ANAPC5: variants seen among roughly 807,000 people sequenced by gnomAD.
The protein encoded by ANAPC5 is anaphase promoting complex subunit 5.
Under a neutral mutation model 91.3 loss-of-function variants are expected in ANAPC5, and 60 were observed. That is an observed-to-expected ratio of 0.66 (90% CI 0.53 to 0.81). ANAPC5 has a LOEUF of 0.81. ANAPC5 is among the 40% of genes least tolerant of loss of function. The pLI is 0.00. For missense variants in ANAPC5, 690 were observed against 931.5 expected, an observed-to-expected ratio of 0.74 and a Z score of 3.37; for synonymous variants, 340 against 364.1, an observed-to-expected ratio of 0.93 and a Z score of 0.75.
chr12:121,331,353 G>A lies in ANAPC5; in HGVS notation c.1026C>T (p.His342=). 1.2e-6 allele frequency: 2 copies of A among 1,604,230 alleles called. No homozygotes were observed. Among genetic ancestry groups the A allele is most frequent in the Non-Finnish European group, 1.7e-6 (2 of 1,171,780 alleles). ...GACCAGAGGATGGCCTCACCAAACAGTGCTGGAGACACACGTGATCGTTGG... is the reference window on the plus strand; with the variant it reads ...GACCAGAGGATGGCCTCACCAAACAATGCTGGAGACACACGTGATCGTTGG... ...QESNDHVCLQ[H]CLSWLYVLGQ... is the part of the protein sequence containing the mutation. Residue 342 remains histidine, a synonymous_variant, in exon 8 of 17, where the codon CAC becomes CAT. Coordinates refer to ENST00000261819, the MANE Select transcript of ANAPC5 (RefSeq NM_016237.5).
chr12:121,314,959 T>G (rs1458793799), intron 15 of ANAPC5, among the ~76,000 whole-genome samples: 1 of 152,068 alleles, frequency 6.6e-6, no homozygotes, highest in Non-Finnish European at 1.5e-5. Flanking sequence ...CAACATGTAT[T>G]GGAAGTTTTA....
At chr12:121,324,234 T>C (rs1186615405) in intron 11 of ANAPC5, among the ~76,000 whole-genome samples, 1 of 152,106 alleles carries the variant, frequency 6.6e-6, no homozygotes, top group East Asian at 1.9e-4. Context: ...CAAGTATGAG[T>C]CTAACTTGTC....
At chr12:121,333,992 C>T (rs1225027963) in intron 7 of ANAPC5, 2 of 152,162 alleles carry the variant, frequency 1.3e-5, no homozygotes, top group Non-Finnish European at 2.9e-5. Context: ...AGCCTCACAA[C>T]TGGGTTGGCC....
chr12:121,334,884 G>A (rs996643781), intron 7 of ANAPC5: 8 of 152,146 alleles, frequency 5.3e-5, no homozygotes, highest in African/African-American at 1.9e-4. Context: ...TGAACGGCCT[G>A]TTGTTCTTAG....
intron 8 of ANAPC5, 88 bp from the exon 9 acceptor site, chr12:121,330,760 TAAAAGGGAC>T: frequency 9.4e-7 from 1 of 1,060,058 alleles, no homozygotes; most frequent in Non-Finnish European, 1.4e-6. Flanking sequence ...AGAAAGAATT[TAAAAGGGAC>T]AAAATGAATC....
intron 15 of ANAPC5, 108 bp downstream of exon 15, chr12:121,318,169 A>G (rs1416154342): frequency 7.6e-7 from 1 of 1,310,374 alleles, no homozygotes; most frequent in Admixed American, 3.2e-5. Context: ...CCAGACGTCA[A>G]TATGAACAAA....
intron 15 of ANAPC5, among the ~76,000 whole-genome samples, chr12:121,311,729 A>G (rs550221952): frequency 1.3e-5 from 2 of 152,236 alleles, no homozygotes; most frequent in East Asian, 3.9e-4. Flanking sequence ...GATGCTCAGA[A>G]AAGTGAGGTG....
At chr12:121,329,855 T>C (rs920366596) in intron 9 of ANAPC5, among the ~76,000 whole-genome samples, 3 of 152,104 alleles carry the variant, frequency 2.0e-5, no homozygotes, top group African/African-American at 7.2e-5. Flanking sequence ...CCTCAGGTGA[T>C]CCACCCACCC....
At chr12:121,346,089 T>C (rs1593606109) in intron 3 of ANAPC5, 58 bp from the exon 4 acceptor site, 2 of 1,378,872 alleles carry the variant, frequency 1.5e-6, no homozygotes, top group East Asian at 2.3e-5. Context: ...GGCTACGCAA[T>C]GGCAACTCCA....
chr12:121,352,220 G>A lies in ANAPC5; in HGVS notation c.121C>T (p.Leu41=). 6.2e-7 allele frequency: 1 copy of A among 1,614,170 alleles called. No homozygotes were observed. Among genetic ancestry groups the A allele is most frequent in the Non-Finnish European group, 8.5e-7 (1 of 1,180,022 alleles). The part of the protein sequence containing the change: ...TPYKIAVLVL[L]NEMSRTGEGA... Reference sequence around the variant, plus strand: ...TCGCCTGTGCGGCTCATCTCGTTCAGCAGCACCAGCACCGCGATCTTGTAC... The same window carrying A: ...TCGCCTGTGCGGCTCATCTCGTTCAACAGCACCAGCACCGCGATCTTGTAC... Residue 41 remains leucine (L), a synonymous_variant, in exon 1 of 17, where the codon CTG becomes TTG. Transcript: ENST00000261819.
chr12:121,352,809 G>T (rs925616722), upstream of ANAPC5, among the ~76,000 whole-genome samples: 1 of 144,990 alleles, frequency 6.9e-6, no homozygotes, highest in African/African-American at 2.5e-5. Context: ...ATTCGTAGAC[G>T]CCCTCAAAGA....
intron 7 of ANAPC5, chr12:121,333,630 A>C (rs1431698241): frequency 6.6e-6 from 1 of 152,154 alleles, no homozygotes. Flanking sequence ...GAATACCCTT[A>C]ATAACATCTT....
chr12:121,313,051 C>T (rs568155935), intron 15 of ANAPC5, among the ~76,000 whole-genome samples: 10 of 152,258 alleles, frequency 6.6e-5, no homozygotes, highest in African/African-American at 2.4e-4. Flanking sequence ...AGAGGCCGGG[C>T]GCGGTGGTTC....
intron 4 of ANAPC5, among the ~76,000 whole-genome samples, chr12:121,343,535 A>C (rs1555274309): frequency 1.3e-5 from 2 of 152,228 alleles, no homozygotes; most frequent in Non-Finnish European, 2.9e-5. Flanking sequence ...CTGACTGCAG[A>C]GCCAGACTCT....
Position 121,320,318 on chromosome 12 carries a change from A to C in ANAPC5, c.1515+67T>G, listed in dbSNP as rs917586895. 1.7e-5 allele frequency: 25 copies of C among 1,492,724 alleles called. 2 individuals carry two copies. The highest frequency in any genetic ancestry group is 1.4e-4 in the East Asian group (6 of 43,712). The allele number at this position is 1,492,724 out of a possible 1,614,324, so 92.5% of individuals were successfully genotyped here. ...TTTTTCTGAGGGGAGATTATGTCCC[A>C]CTTTATATTATAATAAAAGCTATTT... On this transcript the variant is annotated intron_variant, in intron 12 of 16. Coordinates refer to ENST00000261819, the MANE Select transcript of ANAPC5 (RefSeq NM_016237.5).
intron 1 of ANAPC5, among the ~76,000 whole-genome samples, chr12:121,348,347 T>C (rs1903750847): frequency 6.6e-6 from 1 of 152,200 alleles, no homozygotes; most frequent in South Asian, 2.1e-4. Context: ...TAGGCAGACA[T>C]ACTATGTGCT....
chr12:121,309,025 T>C (rs564968446), intron 16 of ANAPC5, among the ~76,000 whole-genome samples: 134 of 151,540 alleles, frequency 8.8e-4, no homozygotes, highest in African/African-American at 3.1e-3. Context: ...GGCAGGCACC[T>C]GTAATCCCAG....
intron 16 of ANAPC5, among the ~76,000 whole-genome samples, chr12:121,309,400 T>C (rs1902069568): frequency 6.6e-6 from 1 of 151,600 alleles, no homozygotes; most frequent in South Asian, 2.1e-4. Flanking sequence ...ATCACGCCAC[T>C]GCACTCCAGC....
At position 121,342,158 on chromosome 12, in the gene ANAPC5, A is replaced by C; in HGVS notation, c.591-89T>G. On this transcript the variant is annotated intron_variant, in intron 4 of 16. Coordinates refer to ENST00000261819, the MANE Select transcript of ANAPC5 (RefSeq NM_016237.5). The surrounding 1 kb of genome is among the most constrained non-coding windows in gnomAD (Gnocchi z 4.1). ...TAAAATCAGATGGATTCTTGTATCG[A>C]AAGAGTTCAAAAAATTTAACTCTCT... 1.0e-6 allele frequency: 1 copy of C among 974,026 alleles called. No individual in the cohort carries two copies. The allele number at this position is 974,026 out of a possible 1,614,324, so 60.3% of individuals were successfully genotyped here.
Sources: allele counts gnomAD v4.1 joint callset (sites outside exome capture counted in the v4.1 genomes callset), GRCh38; gene constraint gnomAD v4.1.1; non-coding constraint Gnocchi (gnomAD v3.1); transcripts MANE v1.5; gene names NCBI Gene and HGNC (gene_info 2026-07-23, HGNC 2026-07-21).